PGAP4: variants seen among roughly 807,000 people sequenced by gnomAD.
The protein encoded by PGAP4 is GPI-N-acetylgalactosamine transferase PGAP4.
Under a neutral mutation model 28.2 loss-of-function variants are expected in PGAP4, and 12 were observed. The ratio of observed to expected loss-of-function variants is 0.42; its 90% CI spans 0.27 to 0.69. The LOEUF is 0.69. Among genes scored for constraint, PGAP4 ranks in the 30% least tolerant of loss-of-function variants. The pLI, the probability that PGAP4 is intolerant of heterozygous loss-of-function variation, is 0.22. For missense variants in PGAP4, 425 were observed against 513.5 expected (o/e 0.83, Z 1.67); for synonymous variants, 205 against 211.8 (o/e 0.97, Z 0.28).
intron 1 of PGAP4, among the ~76,000 whole-genome samples, chr9:101,481,998 A>T (rs542610280): frequency 1.3e-5 from 2 of 152,300 alleles, no homozygotes; most frequent in South Asian, 4.1e-4. Context: ...TGATTGCAAC[A>T]GGCTCCTAAC....
chr9:101,499,935 C>A (rs1038295844), intron 2 of PGAP4, among the ~76,000 whole-genome samples: 8 of 151,788 alleles, frequency 5.3e-5, no homozygotes, highest in Non-Finnish European at 1.2e-4. Flanking sequence ...ATATACAACC[C>A]TAATTTAATT....
At chr9:101,509,656 A>C (rs1826878208) in intron 2 of PGAP4, among the ~76,000 whole-genome samples, 1 of 152,136 alleles carries the variant, frequency 6.6e-6, no homozygotes. Context: ...GATGTGGTTG[A>C]TCATTTTAAT....
chr9:101,524,207 A>G (rs936150391), intron 2 of PGAP4, among the ~76,000 whole-genome samples: 3 of 149,590 alleles, frequency 2.0e-5, no homozygotes, highest in African/African-American at 7.4e-5. Context: ...TTATGTACCT[A>G]TGAGGATTAT....
chr9:101,497,069 A>G (rs1358706583), intron 2 of PGAP4, among the ~76,000 whole-genome samples: 1 of 150,852 alleles, frequency 6.6e-6, no homozygotes, highest in Non-Finnish European at 1.5e-5. Context: ...TATCTCATTT[A>G]TAGATGAGAA....
intron 2 of PGAP4, among the ~76,000 whole-genome samples, chr9:101,506,526 C>G (rs1398500357): frequency 6.6e-6 from 1 of 152,004 alleles, no homozygotes. Flanking sequence ...ATATGATTTG[C>G]CTCTAACAGA....
intron 2 of PGAP4, among the ~76,000 whole-genome samples, chr9:101,494,825 T>C (rs1588204383): frequency 6.6e-6 from 1 of 151,548 alleles, no homozygotes; most frequent in Non-Finnish European, 1.5e-5. Flanking sequence ...TTTTACTGTA[T>C]GTAGCATTTT....
At chr9:101,485,805 T>G (rs149810391) in intron 1 of PGAP4, among the ~76,000 whole-genome samples, 1 of 152,350 alleles carries the variant, frequency 6.6e-6, no homozygotes, top group Admixed American at 6.5e-5. Flanking sequence ...TTTTGTTTAC[T>G]GGATGTTTTC....
In PGAP4 at chr9:101,476,252, T is replaced by C. The variant is rs928790005; in HGVS notation, c.841A>G (p.Met281Val). The C allele has an allele frequency of 5.6e-6, 9 of 1,614,012 alleles. No individual in the cohort carries two copies. Among genetic ancestry groups the C allele is most frequent in the Non-Finnish European group, 6.8e-6 (8 of 1,180,000 alleles). ...AACCCTGGGCGGCTGGCAAACCTCA[T>C]GTATATCCAGGTTAGTAAGGGCCCC... is the stretch of plus-strand genomic sequence containing the variant. ...LLGPLLTWIY[M>V]RFASRPGFSW... is the part of the protein sequence containing the mutation. The change falls in exon 2 of 2, where the codon ATG (methionine) becomes GTG (valine). Residue 281 changes from methionine to valine, a missense_variant. Transcript: ENST00000374848. The surrounding 1 kb of genome is among the most constrained non-coding windows in gnomAD (Gnocchi z 7.0).
chr9:101,513,589 C>A (rs1334727020), intron 2 of PGAP4, among the ~76,000 whole-genome samples: 1 of 152,108 alleles, frequency 6.6e-6, no homozygotes, highest in African/African-American at 2.4e-5. Flanking sequence ...AATGCACATG[C>A]CTCTTAGCAA....
intron 2 of PGAP4, among the ~76,000 whole-genome samples, chr9:101,525,768 C>T (rs1827031277): frequency 6.6e-6 from 1 of 150,402 alleles, no homozygotes; most frequent in South Asian, 2.1e-4. Context: ...TTCCTGAAAC[C>T]GACTTATCCC....
chr9:101,481,559 C>T (rs1045135177), intron 1 of PGAP4: 1 of 152,250 alleles, frequency 6.6e-6, no homozygotes, highest in African/African-American at 2.4e-5. Flanking sequence ...GAATTCTCTA[C>T]CTGTTACCAT....
rs1826769574 is a variant in PGAP4, at chr9:101,498,351, ATT to A, written c.-164-9153_-164-9152del. Among the ~76,000 whole-genome samples, 2 of 151,864 alleles carry A rather than the reference ATT, an allele frequency of 1.3e-5. 1 individual carries two copies. The highest frequency in any genetic ancestry group is 4.1e-4 in the South Asian group (2 of 4,826). ...CATTTTAACCGTTTTTTTTTAGATTATTAATTTTTGAATTAAATGTTTTATTA... is the reference window on the plus strand; with the variant it reads ...CATTTTAACCGTTTTTTTTTAGATTAAATTTTTGAATTAAATGTTTTATTA... On this transcript the variant is annotated intron_variant, in intron 2 of 3. Transcript: ENST00000374851.
rs1306617542 is a variant in PGAP4, at chr9:101,473,691, T to C, written c.*2190A>G. ...ACAACTGAATTAGAAAGAGCAGAAA[T>C]GTAAACCAGCAGTGCTTCCCTATCT... On this transcript the variant is annotated 3_prime_UTR_variant, in exon 2 of 2. Coordinates refer to ENST00000374848, the MANE Select transcript of PGAP4 (RefSeq NM_032342.3). The C allele has an allele frequency of 2.0e-5, 3 of 152,216 alleles. No homozygotes were observed. Among genetic ancestry groups the C allele is most frequent in the African/African-American group, 7.2e-5 (3 of 41,426 alleles). 9.4% of individuals were successfully genotyped at this position (152,216 alleles called of 1,614,324 possible).
intron 2 of PGAP4, among the ~76,000 whole-genome samples, chr9:101,492,584 T>A (rs759209274): frequency 1.4e-4 from 21 of 152,166 alleles, no homozygotes; most frequent in Admixed American, 2.6e-4. Flanking sequence ...TCTGTTACAT[T>A]TTCCTGAAGA....
rs774847252 is a variant in PGAP4 at position 101,476,282 on chromosome 9, A to G, written c.811T>C (p.Leu271=). The G allele has an allele frequency of 1.8e-5, 29 of 1,614,002 alleles. No individual in the cohort carries two copies. Among genetic ancestry groups the G allele is most frequent in the Admixed American group, 3.3e-5 (2 of 59,994 alleles). ...RILEWVGVGM[L]LGPLLTWIYM... ...ATCCAGGTTAGTAAGGGCCCCAGCA[A>G]CATGCCTACACCAACCCATTCCAGG... The change falls in exon 2 of 2, where the codon TTG becomes CTG. Residue 271 remains leucine, a synonymous_variant. Coordinates refer to ENST00000374848, the MANE Select transcript of PGAP4 (RefSeq NM_032342.3). The surrounding 1 kb of genome is among the most constrained non-coding windows in gnomAD (Gnocchi z 7.0).
Position 101,513,014 on chromosome 9 carries a change from C to T in PGAP4, c.-165+18334G>A, listed in dbSNP as rs147973952. On this transcript the variant is annotated intron_variant, in intron 2 of 3. Coordinates refer to the PGAP4 transcript ENST00000374851. Reference sequence around the variant, plus strand: ...GCAAATTTCCTAGAAACCTCAGTGTCATTGAACAAGTAAATCCTATTGCTG... The same window carrying T: ...GCAAATTTCCTAGAAACCTCAGTGTTATTGAACAAGTAAATCCTATTGCTG... Among the ~76,000 whole-genome samples the T allele has an allele frequency of 2.3e-3, 344 of 152,310 alleles. 2 individuals carry two copies. The highest frequency in any genetic ancestry group is 8.0e-3 in the African/African-American group (331 of 41,576).
chr9:101,529,074 T>A (rs979196696), intron 2 of PGAP4, among the ~76,000 whole-genome samples: 2 of 152,028 alleles, frequency 1.3e-5, no homozygotes, highest in Non-Finnish European at 2.9e-5. Context: ...TTGCTAAGGA[T>A]AATGGCCTTC....
At chr9:101,482,536 T>C (rs1434417018) in intron 1 of PGAP4, among the ~76,000 whole-genome samples, 1 of 152,192 alleles carries the variant, frequency 6.6e-6, no homozygotes, top group Non-Finnish European at 1.5e-5. Context: ...CATCTGATAC[T>C]CTGAAGCATA....
chr9:101,507,618 A>C (rs1304949963), intron 2 of PGAP4, among the ~76,000 whole-genome samples: 1 of 152,144 alleles, frequency 6.6e-6, no homozygotes, highest in African/African-American at 2.4e-5. Context: ...AGGGCATTAC[A>C]AAATAACAAA....
Sources: gnomAD v4.1 joint callset for allele counts (sites outside exome capture counted in the v4.1 genomes callset) on GRCh38, gnomAD v4.1.1 for gene constraint, Gnocchi (gnomAD v3.1) non-coding constraint, MANE v1.5 for transcripts, NCBI Gene and HGNC (gene_info 2026-07-23, HGNC 2026-07-21) for gene names.